SYT1: variants seen among roughly 807,000 people sequenced by gnomAD.
SYT1 encodes synaptotagmin 1.
SYT1 carries 8 observed loss-of-function variants against 44.8 expected under a neutral mutation model. That is an observed-to-expected ratio of 0.18 (90% CI 0.10 to 0.32). The LOEUF (loss-of-function observed/expected upper bound fraction) is 0.32, where lower values mean the gene tolerates loss of function less well. Ranked by LOEUF, SYT1 falls within the 10% of genes least tolerant of loss-of-function variation. SYT1 has a pLI of 1.00. For synonymous variants in SYT1, 154 were observed against 188.8 expected, an observed-to-expected ratio of 0.82 and a Z score of 1.51; for missense variants, 286 against 509.3, an observed-to-expected ratio of 0.56 and a Z score of 4.22.
At chr12:79,323,523 C>T (rs569427456) in intron 8 of SYT1, among the ~76,000 whole-genome samples, 4 of 152,126 alleles carry the variant, frequency 2.6e-5, no homozygotes, top group Admixed American at 6.5e-5. Flanking sequence ...TACTTAACAC[C>T]GAAAACGTCA....
At chr12:79,420,145 GGTGA>G (rs963620739) in intron 9 of SYT1, among the ~76,000 whole-genome samples, 3 of 152,004 alleles carry the variant, frequency 2.0e-5, no homozygotes, top group Admixed American at 6.6e-5. Flanking sequence ...TGCAAATGTG[GGTGA>G]GTATTTCTAG....
intron 4 of SYT1, among the ~76,000 whole-genome samples, chr12:79,249,250 G>A (rs1877044787): frequency 6.6e-6 from 1 of 151,396 alleles, no homozygotes; most frequent in South Asian, 2.1e-4. Context: ...GACTACAGGC[G>A]CCCGCCACCG....
chr12:79,343,247 A>G (rs1405019808), intron 8 of SYT1, among the ~76,000 whole-genome samples: 1 of 152,206 alleles, frequency 6.6e-6, no homozygotes, highest in Admixed American at 6.5e-5. Context: ...GAACATGAAA[A>G]AATGGGGACA....
At chr12:79,365,860 T>C (rs1883521775) in intron 9 of SYT1, among the ~76,000 whole-genome samples, 1 of 130,572 alleles carries the variant, frequency 7.7e-6, no homozygotes, top group Admixed American at 7.5e-5. Flanking sequence ...AGCAGGTCAT[T>C]AGCTTGTAGA....
chr12:78,879,292 T>C (rs1254658628), intron 1 of SYT1, among the ~76,000 whole-genome samples: 1 of 151,750 alleles, frequency 6.6e-6, no homozygotes, highest in Non-Finnish European at 1.5e-5. Context: ...TGAAAGCATC[T>C]CTTTTTAAAA....
chr12:79,157,833 T>G (rs1425656901), intron 3 of SYT1, among the ~76,000 whole-genome samples: 1 of 152,192 alleles, frequency 6.6e-6, no homozygotes, highest in Non-Finnish European at 1.5e-5. Context: ...ATGGTTGCTA[T>G]TATTATCCCC....
intron 3 of SYT1, among the ~76,000 whole-genome samples, chr12:79,108,096 T>G (rs1211761098): frequency 1.3e-5 from 2 of 151,814 alleles, no homozygotes; most frequent in East Asian, 3.8e-4. Context: ...TGACATTACT[T>G]TTTTTTAATA....
intron 3 of SYT1, among the ~76,000 whole-genome samples, chr12:79,152,962 A>G (rs1370200056): frequency 6.6e-6 from 1 of 151,896 alleles, no homozygotes; most frequent in South Asian, 2.1e-4. Flanking sequence ...CATTTATATA[A>G]GAAAATTATT....
At chr12:79,072,534 T>A (rs1335392443) in intron 3 of SYT1, among the ~76,000 whole-genome samples, 1 of 152,158 alleles carries the variant, frequency 6.6e-6, no homozygotes, top group Non-Finnish European at 1.5e-5. Flanking sequence ...TATTTGAGTT[T>A]TTTATAGTGT....
intron 3 of SYT1, among the ~76,000 whole-genome samples, chr12:79,123,013 CT>C (rs1868304543): frequency 6.6e-6 from 1 of 152,094 alleles, no homozygotes; most frequent in Non-Finnish European, 1.5e-5. Context: ...GGAATTTTAC[CT>C]TTTCTGTGGA....
intron 8 of SYT1, among the ~76,000 whole-genome samples, chr12:79,299,854 T>A (rs1880050424): frequency 6.6e-6 from 1 of 152,154 alleles, no homozygotes. Context: ...CACACACTCA[T>A]AAACTACTGC....
chr12:79,163,956 T>G (rs762839895), intron 3 of SYT1, among the ~76,000 whole-genome samples: 13 of 152,084 alleles, frequency 8.5e-5, no homozygotes, highest in Non-Finnish European at 1.6e-4. Context: ...GGTAGGATAT[T>G]GAATGAGAAA....
intron 3 of SYT1, among the ~76,000 whole-genome samples, chr12:79,137,766 A>G (rs2138201849): frequency 6.6e-6 from 1 of 152,258 alleles, no homozygotes; most frequent in African/African-American, 2.4e-5. Context: ...TCTATAATGC[A>G]TTTCTTTACA....
chr12:79,173,671 A>C (rs530935734), intron 3 of SYT1, among the ~76,000 whole-genome samples: 2 of 152,192 alleles, frequency 1.3e-5, no homozygotes, highest in East Asian at 3.9e-4. Flanking sequence ...TACAAATTAA[A>C]CAGGCAAGAT....
chr12:79,076,861 C>T (rs964511656), intron 3 of SYT1, among the ~76,000 whole-genome samples: 4 of 152,134 alleles, frequency 2.6e-5, no homozygotes, highest in African/African-American at 9.7e-5. Context: ...CCCAGCTATG[C>T]GAGAGGCTGA....
chr12:79,429,554 A>C lies in SYT1; in HGVS notation c.929-14519A>C, dbSNP rs192475303. 3.3e-5 allele frequency among the ~76,000 whole-genome samples: 5 copies of C among 151,828 alleles called. No individual in the cohort carries two copies. In the East Asian group the frequency reaches 9.7e-4, roughly 29 times the overall value. On this transcript the variant is annotated intron_variant, in intron 9 of 10. Coordinates refer to ENST00000261205, the MANE Select transcript of SYT1 (RefSeq NM_005639.3). Reference sequence around the variant, plus strand: ...TGTTTGTTTTTGTTTTTTGAGCTGGAGTCTCACTCTGTCACCCAGGATGGA... The same window carrying C: ...TGTTTGTTTTTGTTTTTTGAGCTGGCGTCTCACTCTGTCACCCAGGATGGA...
At chr12:79,044,025 G>T (rs1174492179) in intron 2 of SYT1, among the ~76,000 whole-genome samples, 1 of 152,214 alleles carries the variant, frequency 6.6e-6, no homozygotes. Context: ...TCCCTTTGTG[G>T]GTAACCCAAC....
chr12:79,275,053 CA>C (rs1878637483), intron 4 of SYT1, among the ~76,000 whole-genome samples: 1 of 152,144 alleles, frequency 6.6e-6, no homozygotes, highest in Non-Finnish European at 1.5e-5. Context: ...CAGGAGAATT[CA>C]CAGTCTTCTG....
At chr12:79,390,228 C>T (rs949838884) in intron 9 of SYT1, among the ~76,000 whole-genome samples, 1 of 152,128 alleles carries the variant, frequency 6.6e-6, no homozygotes, top group Admixed American at 6.5e-5. Flanking sequence ...CCACCGCGCC[C>T]GGCCTCCAAT....
Sources: gnomAD v4.1 joint callset for allele counts (sites outside exome capture counted in the v4.1 genomes callset) on GRCh38, gnomAD v4.1.1 for gene constraint, MANE v1.5 for transcripts, NCBI Gene and HGNC (gene_info 2026-07-23, HGNC 2026-07-21) for gene names.